The following RNF121 variants were observed in gnomAD, a reference collection of about 807,000 sequenced individuals.
RNF121 encodes the protein E3 ubiquitin ligase RNF121.
In RNF121, 21 loss-of-function variants were observed where a neutral mutation model predicts 46.5. The observed-to-expected ratio is 0.45, with a 90% CI of 0.32 to 0.65. The LOEUF (loss-of-function observed/expected upper bound fraction) is 0.65. RNF121 is among the 30% of genes least tolerant of loss of function. The pLI, the probability that RNF121 is intolerant of heterozygous loss-of-function variation, is 0.04. For missense variants in RNF121, 346 were observed against 416.0 expected (o/e 0.83, Z 1.46); for synonymous variants, 139 against 144.7 (o/e 0.96, Z 0.28).
chr11:71,972,916 G>T (rs1033348603), intron 3 of RNF121, among the ~76,000 whole-genome samples: 1 of 152,166 alleles, frequency 6.6e-6, no homozygotes, highest in Non-Finnish European at 1.5e-5. Flanking sequence ...GCTGGGTGCG[G>T]TGGCTCATGC....
chr11:71,929,069 C>T lies in RNF121; in HGVS notation c.8C>T (p.Ala3Val). 1 of 1,551,326 alleles carries T rather than the reference C, an allele frequency of 6.4e-7. No individual in the cohort carries two copies. Residue 3 changes from alanine to valine, a missense_variant, in exon 1 of 9, where the codon GCA becomes GTA. Transcript: ENST00000361756. ...AGGGGGCGAGCCGTGAAGATGGCGG[C>T]AGTGGTGGAGGTGGAGGTTGGAGGT... is the stretch of plus-strand genomic sequence containing the variant. MA[A>V]VVEVEVGGGA...
intron 1 of RNF121, 118 bp from the exon 2 acceptor site, chr11:71,957,109 T>C: frequency 1.3e-6 from 1 of 784,442 alleles, no homozygotes; most frequent in Non-Finnish European, 2.3e-6. Context: ...TTCATAGAGA[T>C]ACTAAGACTT....
intron 5 of RNF121, among the ~76,000 whole-genome samples, chr11:71,989,874 T>G (rs1954834182): frequency 6.6e-6 from 1 of 152,212 alleles, no homozygotes; most frequent in African/African-American, 2.4e-5. Context: ...AAACCTGTGT[T>G]TGACAAGCTG....
intron 1 of RNF121, among the ~76,000 whole-genome samples, chr11:71,933,614 A>G (rs139602688): frequency 6.6e-6 from 1 of 152,288 alleles, no homozygotes; most frequent in African/African-American, 2.4e-5. Flanking sequence ...TTTTTCTGTT[A>G]TAGTCCACTG....
intron 2 of RNF121, among the ~76,000 whole-genome samples, chr11:71,960,036 A>T (rs1009730668): frequency 2.6e-5 from 4 of 152,214 alleles, no homozygotes; most frequent in African/African-American, 9.6e-5. Context: ...AGCCAAGGGA[A>T]TCACTTGCTG....
At chr11:71,951,553 G>T (rs1953881608) in intron 1 of RNF121, among the ~76,000 whole-genome samples, 1 of 151,512 alleles carries the variant, frequency 6.6e-6, no homozygotes. Context: ...TTGAGCCCAG[G>T]GATTTGAGGC....
intron 1 of RNF121, among the ~76,000 whole-genome samples, chr11:71,948,074 A>G (rs1278923798): frequency 6.6e-6 from 1 of 152,172 alleles, no homozygotes; most frequent in Non-Finnish European, 1.5e-5. Flanking sequence ...GTTTGAGTAT[A>G]TGGAAAGCTG....
chr11:71,995,352 T>C, intron 7 of RNF121, 98 bp from the exon 8 acceptor site: 4 of 908,148 alleles, frequency 4.4e-6, no homozygotes, highest in Non-Finnish European at 7.1e-6. Flanking sequence ...ATTACAGAGC[T>C]GATAAAGAGC....
chr11:71,935,909 G>A (rs539305452), intron 1 of RNF121, among the ~76,000 whole-genome samples: 3 of 143,762 alleles, frequency 2.1e-5, no homozygotes, highest in African/African-American at 5.2e-5. Context: ...GTGCAGTGGC[G>A]TGACCTTGGC....
chr11:71,964,722 G>A (rs1292776842), intron 3 of RNF121, among the ~76,000 whole-genome samples: 2 of 152,224 alleles, frequency 1.3e-5, no homozygotes, highest in African/African-American at 4.8e-5. Context: ...CAAGCAATCC[G>A]CCTGCCTCAG....
intron 1 of RNF121, among the ~76,000 whole-genome samples, chr11:71,956,056 T>G (rs1953984024): frequency 6.6e-6 from 1 of 152,234 alleles, no homozygotes. Context: ...AAAGGATGCC[T>G]GGTAAATATG....
intron 5 of RNF121, among the ~76,000 whole-genome samples, chr11:71,990,060 A>G (rs768170847): frequency 6.6e-6 from 1 of 152,240 alleles, no homozygotes; most frequent in Non-Finnish European, 1.5e-5. Context: ...CTCTGTTGTC[A>G]TAAGCTGAGA....
At chr11:71,994,621 T>C in intron 6 of RNF121, 98 bp from the exon 7 acceptor site, 1 of 1,430,926 alleles carries the variant, frequency 7.0e-7, no homozygotes, top group Non-Finnish European at 9.7e-7. Flanking sequence ...GCTGCCACTG[T>C]GCCTCTTCTC....
chr11:71,975,002 C>T (rs1954500196), intron 3 of RNF121, among the ~76,000 whole-genome samples: 1 of 152,192 alleles, frequency 6.6e-6, no homozygotes, highest in South Asian at 2.1e-4. Flanking sequence ...GGAAAAGTAT[C>T]CATCCTATTT....
intron 1 of RNF121, among the ~76,000 whole-genome samples, chr11:71,948,946 T>TTCA (rs1389399708): frequency 6.3e-4 from 1 of 1,582 alleles, no homozygotes; most frequent in African/African-American, 1.1e-3. Context: ...ACCTACCAGG[T>TTCA]TTCATGAGCT....
chr11:71,948,533 A>AT (rs1953781399), intron 1 of RNF121, among the ~76,000 whole-genome samples: 1 of 151,314 alleles, frequency 6.6e-6, no homozygotes, highest in African/African-American at 2.4e-5. Context: ...AAAAAAAAAA[A>AT]AAAAAAGCTT....
At chr11:71,965,337 G>A (rs1954251245) in intron 3 of RNF121, among the ~76,000 whole-genome samples, 1 of 150,274 alleles carries the variant, frequency 6.7e-6, no homozygotes, top group African/African-American at 2.5e-5. Context: ...TGCAACCTCT[G>A]CCTCCTGGGC....
intron 3 of RNF121, 89 bp from the exon 4 acceptor site, chr11:71,982,672 C>G (rs1954689070): frequency 7.1e-7 from 1 of 1,414,096 alleles, no homozygotes; most frequent in Non-Finnish European, 9.5e-7. Context: ...GAGGATCAAG[C>G]TAAAATAGAA....
chr11:71,959,784 C>T (rs930475495), intron 2 of RNF121, among the ~76,000 whole-genome samples: 4 of 152,024 alleles, frequency 2.6e-5, no homozygotes. Flanking sequence ...CACAGGCATG[C>T]ACCACCACAC....
Sources: gnomAD v4.1 joint callset for allele counts (sites outside exome capture counted in the v4.1 genomes callset) on GRCh38, gnomAD v4.1.1 for gene constraint, MANE v1.5 for transcripts, NCBI Gene and HGNC (gene_info 2026-07-23, HGNC 2026-07-21) for gene names.